UPF1: variants seen among roughly 807,000 people sequenced by gnomAD.
The protein encoded by UPF1 is UPF1 RNA helicase and ATPase, also known as regulator of nonsense transcripts 1.
Under a neutral mutation model 129.2 loss-of-function variants are expected in UPF1, and 9 were observed. The observed-to-expected ratio is 0.07, with a 90% confidence interval of 0.04 to 0.12. The LOEUF (loss-of-function observed/expected upper bound fraction) is 0.12. UPF1 is among the 10% of genes least tolerant of loss of function. The probability of loss-of-function intolerance (pLI) is 1.00; values close to 1 mark genes in which losing one functional copy is unlikely to be tolerated. For missense variants in UPF1, 788 were observed against 1,525.3 expected (o/e 0.52, Z 8.05); for synonymous variants, 649 against 644.9 (o/e 1.01, Z -0.10).
Position 18,862,109 on chromosome 19 carries a change from T to C in UPF1, c.2557T>C (p.Leu853=). Residue 853 remains leucine (L), a synonymous_variant, in exon 18 of 24, where the codon TTA becomes CTA. Coordinates refer to ENST00000262803, the MANE Select transcript of UPF1 (RefSeq NM_002911.4). ...RANEHQGIGF[L]NDPRRLNVAL... ...CAACGAGCACCAAGGCATTGGCTTTTTAAATGACCCCAGGCGTCTGAACGT... is the reference window on the plus strand; with the variant it reads ...CAACGAGCACCAAGGCATTGGCTTTCTAAATGACCCCAGGCGTCTGAACGT... 1 of 1,614,024 alleles carries C rather than the reference T, an allele frequency of 6.2e-7. No homozygotes were observed. The highest frequency in any genetic ancestry group is 8.5e-7 in the Non-Finnish European group (1 of 1,180,028).
rs776689814 is a variant in UPF1, at chr19:18,865,249, G to A, written c.2858-40G>A. 2.4e-5 allele frequency: 38 copies of A among 1,567,418 alleles called. No individual in the cohort carries two copies. The East Asian group carries it at 7.6e-4, about 31-fold the overall frequency. On this transcript the variant is annotated intron_variant, in intron 20 of 23. Coordinates refer to ENST00000262803, the MANE Select transcript of UPF1 (RefSeq NM_002911.4). The surrounding 1 kb of genome is among the most constrained non-coding windows in gnomAD (Gnocchi z 6.1). The stretch of plus-strand genomic sequence containing the variant: ...GGTGGGGTATCGCTGGGGTTTGACC[G>A]AGGCAGGTGACACCTGCCGTGTTCC...
chr19:18,865,784 C>A lies in UPF1; in HGVS notation c.3237+6C>A. On this transcript the variant is annotated splice_donor_region_variant and intron_variant, in intron 22 of 23. Transcript: ENST00000262803. This position sits in a 1 kb window ranked among gnomAD's most constrained non-coding sequence, Gnocchi z 6.1. ...CCCAGCCGGAGCTGTCCCAGGTGAG[C>A]CCGCCCCTGGGACGGGACTTACCTG... 6.2e-7 allele frequency: 1 copy of A among 1,612,506 alleles called. No individual in the cohort carries two copies. The highest frequency in any genetic ancestry group is 8.5e-7 in the Non-Finnish European group (1 of 1,179,892).
Position 18,865,925 on chromosome 19 carries a change from T to A in UPF1, c.3238-119T>A. 5.7e-6 allele frequency: 9 copies of A among 1,582,582 alleles called. No homozygotes were observed. The highest frequency in any genetic ancestry group is 7.7e-6 in the Non-Finnish European group (9 of 1,167,262). ...CCTGGGCTGGGGTCATCAGAGTGGG[T>A]CTCCTGGGTCTTAGTTTGGGGACGG... On this transcript the variant is annotated intron_variant, in intron 22 of 23. Transcript: ENST00000262803. The surrounding 1 kb of genome is among the most constrained non-coding windows in gnomAD (Gnocchi z 6.1).
At chr19:18,849,234 G>A (rs1264594560) in intron 3 of UPF1, 2 of 152,966 alleles carry the variant, frequency 1.3e-5, no homozygotes, top group Admixed American at 1.3e-4. Flanking sequence ...GATTAGCTGA[G>A]CTGAAGCTTT....
intron 14 of UPF1, 97 bp from the exon 15 acceptor site, chr19:18,857,223 G>C: frequency 6.8e-7 from 1 of 1,479,906 alleles, no homozygotes; most frequent in South Asian, 1.3e-5. Context: ...GCCAGGTGGT[G>C]TCCTGTGCAT....
At chr19:18,860,193 TCA>T (rs2055762472) in intron 15 of UPF1, 126 bp from the exon 16 acceptor site, 1 of 987,894 alleles carries the variant, frequency 1.0e-6, no homozygotes, top group Non-Finnish European at 1.6e-6. Context: ...CACCAGGGCC[TCA>T]CAGATCGAAG....
Position 18,846,018 on chromosome 19 carries a change from C to T in UPF1, c.270C>T (p.Asp90=), listed in dbSNP as rs770043525. The change falls in exon 2 of 24, where the codon GAC becomes GAT. Residue 90 remains aspartate (D), a synonymous_variant. Coordinates refer to ENST00000262803, the MANE Select transcript of UPF1 (RefSeq NM_002911.4). ...GCATCCTGCAGAACGGGGCTGTGGA[C>T]GACAGTGTAGCCAAGACCAGCCAGT... ...PEGILQNGAV[D]DSVAKTSQLL... The T allele has an allele frequency of 1.7e-5, 27 of 1,613,966 alleles. No individual in the cohort carries two copies. The highest frequency in any genetic ancestry group is 1.6e-4 in the Middle Eastern group (1 of 6,084).
intron 2 of UPF1, 74 bp downstream of exon 2, chr19:18,846,193 C>A: frequency 6.3e-7 from 1 of 1,586,694 alleles, no homozygotes; most frequent in Non-Finnish European, 8.6e-7. Flanking sequence ...GGGACACTCA[C>A]CTCCCAGGTA....
chr19:18,863,685 C>T lies in UPF1; in HGVS notation c.2775+73C>T, dbSNP rs527259091. ...CAAAACACTGCTGGGAACGTGCCAG[C>T]TTGGCCCGTGTGCCCGTGAGCTGAG... is the stretch of plus-strand genomic sequence containing the variant. On this transcript the variant is annotated intron_variant, in intron 19 of 23. Coordinates refer to ENST00000262803, the MANE Select transcript of UPF1 (RefSeq NM_002911.4). 716 of 1,463,706 alleles carry T rather than the reference C, an allele frequency of 4.9e-4. 4 individuals carry two copies. The highest frequency in any genetic ancestry group is 2.2e-3 in the South Asian group (185 of 82,260). 90.7% of individuals were successfully genotyped at this position (1,463,706 alleles called of 1,614,324 possible).
intron 1 of UPF1, among the ~76,000 whole-genome samples, chr19:18,834,233 G>C (rs1034714764): frequency 7.2e-5 from 11 of 152,214 alleles, no homozygotes; most frequent in Non-Finnish European, 1.3e-4. Flanking sequence ...CTGTCGGGGA[G>C]ACTCGGTAAA....
chr19:18,848,917 A>G (rs1317283928), intron 3 of UPF1: 6 of 152,264 alleles, frequency 3.9e-5, no homozygotes. Context: ...CTTAGCTGGC[A>G]ACCCCAGCTT....
rs866284512 is a variant in UPF1, at chr19:18,839,387, C to T, written c.232-6593C>T. On this transcript the variant is annotated intron_variant, in intron 1 of 23. Transcript: ENST00000262803. ...GAGATTACAGGCATGAGCCACCACA[C>T]CTGGCCCCTTTAAGTATAGAACTTA... 3.3e-5 allele frequency among the ~76,000 whole-genome samples: 5 copies of T among 152,336 alleles called. No individual in the cohort carries two copies. The South Asian group carries it at 1.0e-3, about 32-fold the overall frequency.
chr19:18,850,296 C>A lies in UPF1; in HGVS notation c.629+54C>A. On this transcript the variant is annotated intron_variant, in intron 4 of 23. Transcript: ENST00000262803. This position sits in a 1 kb window ranked among gnomAD's most constrained non-coding sequence, Gnocchi z 7.1. ...GTGACCTTTAAGCTCCAGCCGTCTCCTCACAAGCCTTGGCCCAGCCCAGCC... is the reference window on the plus strand; with the variant it reads ...GTGACCTTTAAGCTCCAGCCGTCTCATCACAAGCCTTGGCCCAGCCCAGCC... 1 of 1,521,886 alleles carries A rather than the reference C, an allele frequency of 6.6e-7. No individual in the cohort carries two copies. Among genetic ancestry groups the A allele is most frequent in the South Asian group, 1.3e-5 (1 of 76,094 alleles). The allele number at this position is 1,521,886 out of a possible 1,614,324, so 94.3% of individuals were successfully genotyped here.
chr19:18,862,067 C>G lies in UPF1; in HGVS notation c.2515C>G (p.Leu839Val). The G allele has an allele frequency of 6.2e-7, 1 of 1,614,118 alleles. No homozygotes were observed. The highest frequency in any genetic ancestry group is 8.5e-7 in the Non-Finnish European group (1 of 1,180,038). ...FQGREKDFII[L>V]SCVRANEHQG... ...GGGACGCGAGAAGGACTTCATCATC[C>G]TGTCCTGTGTGCGGGCCAACGAGCA... Residue 839 changes from leucine to valine, a missense_variant, in exon 18 of 24, where the codon CTG (leucine) becomes GTG (valine). Transcript: ENST00000262803.
At position 18,850,647 on chromosome 19, in the gene UPF1, G is replaced by C. The variant is rs750421486; in HGVS notation, c.630-41G>C. ...GGGCCCTCCCTGCTCCGGGGCTTCAGGGACGGGAGCTGGTCCTCACGGCCC... is the reference window on the plus strand; with the variant it reads ...GGGCCCTCCCTGCTCCGGGGCTTCACGGACGGGAGCTGGTCCTCACGGCCC... On this transcript the variant is annotated intron_variant, in intron 4 of 23. Coordinates refer to ENST00000262803, the MANE Select transcript of UPF1 (RefSeq NM_002911.4). This position sits in a 1 kb window ranked among gnomAD's most constrained non-coding sequence, Gnocchi z 7.1. The C allele has an allele frequency of 1.3e-6, 2 of 1,509,480 alleles. No individual in the cohort carries two copies. The highest frequency in any genetic ancestry group is 8.8e-7 in the Non-Finnish European group (1 of 1,130,608). The allele number at this position is 1,509,480 out of a possible 1,614,324, so 93.5% of individuals were successfully genotyped here.
At position 18,853,256 on chromosome 19, in the gene UPF1, G is replaced by A. The variant is rs2055679610; in HGVS notation, c.1062G>A (p.Met354Ile). ...CTCTCACTTTTTTACCTCAAGACAT[G>A]CGGCTCATGCAGGGGGATGAGATAT... is the stretch of plus-strand genomic sequence containing the variant. ...YFTLPKTDSD[M>I]RLMQGDEICL... The change falls in exon 8 of 24, where the codon ATG becomes ATA. Residue 354 changes from methionine (M) to isoleucine (I), a missense_variant. Transcript: ENST00000262803. The surrounding 1 kb of genome is among the most constrained non-coding windows in gnomAD (Gnocchi z 4.4). 4 of 1,611,270 alleles carry A rather than the reference G, an allele frequency of 2.5e-6. No homozygotes were observed. Among genetic ancestry groups the A allele is most frequent in the Non-Finnish European group, 3.4e-6 (4 of 1,178,472 alleles).
intron 2 of UPF1, 122 bp from the exon 3 acceptor site, chr19:18,847,622 G>A (rs1186199715): frequency 1.2e-6 from 1 of 834,428 alleles, no homozygotes; most frequent in Non-Finnish European, 2.0e-6. Flanking sequence ...GGATTGTTGG[G>A]GTTGAGTATG....
Position 18,867,367 on chromosome 19 carries a change from C to T in UPF1, c.*850C>T, listed in dbSNP as rs2055863981. On this transcript the variant is annotated 3_prime_UTR_variant, in exon 24 of 24. Transcript: ENST00000262803. The stretch of plus-strand genomic sequence containing the variant: ...GAAGCCAAGCTGCTTCCCGCCTAGA[C>T]TCGGCGCAGGGCCCCGCACCGGTGA... 1 of 152,306 alleles carries T rather than the reference C, an allele frequency of 6.6e-6. No individual in the cohort carries two copies. Among genetic ancestry groups the T allele is most frequent in the Non-Finnish European group, 1.5e-5 (1 of 68,072 alleles). The allele number at this position is 152,306 out of a possible 1,614,324, so 9.4% of individuals were successfully genotyped here.
intron 19 of UPF1, 148 bp from the exon 20 acceptor site, chr19:18,864,022 G>A: frequency 1.4e-6 from 1 of 730,902 alleles, no homozygotes; most frequent in Non-Finnish European, 2.4e-6. Flanking sequence ...CCATGAGACA[G>A]CAGCTCCCTC....
Sources: allele counts gnomAD v4.1 joint callset (sites outside exome capture counted in the v4.1 genomes callset), GRCh38; gene constraint gnomAD v4.1.1; non-coding constraint Gnocchi (gnomAD v3.1); transcripts MANE v1.5; gene names NCBI Gene and HGNC (gene_info 2026-07-23, HGNC 2026-07-21).